The following ATP8A2 variants were observed in gnomAD, a reference collection of about 807,000 sequenced individuals.
The protein encoded by ATP8A2 is phospholipid-transporting ATPase IB.
ATP8A2 carries 100 observed loss-of-function variants against 165.6 expected under a neutral mutation model. The observed-to-expected ratio is 0.60, with a 90% CI of 0.51 to 0.71. ATP8A2 has a LOEUF of 0.71. Ranked by LOEUF, ATP8A2 falls within the 30% of genes least tolerant of loss-of-function variation. The probability of loss-of-function intolerance (pLI) is 0.00; values close to 1 mark genes in which losing one functional copy is unlikely to be tolerated. For synonymous variants in ATP8A2, 543 were observed against 548.8 expected (o/e 0.99, Z 0.15); for missense variants, 1,227 against 1,479.5 (o/e 0.83, Z 2.80).
intron 28 of ATP8A2, among the ~76,000 whole-genome samples, chr13:25,832,192 C>T (rs913610145): frequency 2.0e-4 from 31 of 152,082 alleles, no homozygotes; most frequent in Admixed American, 1.3e-4. Flanking sequence ...CCTGCCTCGG[C>T]CCCCCAGAGT....
At chr13:25,438,854 CG>C (rs2034851926) in intron 1 of ATP8A2, among the ~76,000 whole-genome samples, 2 of 151,876 alleles carry the variant, frequency 1.3e-5, no homozygotes, top group Non-Finnish European at 2.9e-5. Flanking sequence ...CTATGTGACA[CG>C]GTGTGTCATA....
At chr13:25,481,167 C>T (rs371113389) in intron 2 of ATP8A2, among the ~76,000 whole-genome samples, 5 of 147,366 alleles carry the variant, frequency 3.4e-5, no homozygotes, top group Admixed American at 2.0e-4. Context: ...AGAGGGAGAC[C>T]GTGGGGAGAG....
At chr13:25,425,212 A>ATAC (rs2034410895) in intron 1 of ATP8A2, among the ~76,000 whole-genome samples, 1 of 152,150 alleles carries the variant, frequency 6.6e-6, no homozygotes, top group African/African-American at 2.4e-5. Flanking sequence ...TACTATCATT[A>ATAC]GAGCACTTGG....
chr13:25,625,743 A>AT (rs1341472775), intron 24 of ATP8A2, among the ~76,000 whole-genome samples: 10 of 151,728 alleles, frequency 6.6e-5, no homozygotes. Context: ...TGATCTCTGA[A>AT]TAACTAGAAA....
intron 24 of ATP8A2, among the ~76,000 whole-genome samples, chr13:25,609,839 G>A (rs1278541620): frequency 6.7e-6 from 1 of 149,974 alleles, no homozygotes; most frequent in Non-Finnish European, 1.5e-5. Flanking sequence ...GTATCCCATT[G>A]TGGTTTTGAT....
rs774971908 is a variant in ATP8A2, at chr13:26,022,103, C to G, written c.*2118C>G. On this transcript the variant is annotated 3_prime_UTR_variant, in exon 37 of 37. Coordinates refer to ENST00000381655, the MANE Select transcript of ATP8A2 (RefSeq NM_016529.6). Reference sequence around the variant, plus strand: ...TTAAATATCAGAGTACCCAGCAAGACGGAAGGACTGTCATGCAGGAACTCT... The same window carrying G: ...TTAAATATCAGAGTACCCAGCAAGAGGGAAGGACTGTCATGCAGGAACTCT... 1 of 152,122 alleles carries G rather than the reference C, an allele frequency of 6.6e-6. No homozygotes were observed. Among genetic ancestry groups the G allele is most frequent in the African/African-American group, 2.4e-5 (1 of 41,412 alleles). The allele number at this position is 152,122 out of a possible 1,614,324, so 9.4% of individuals were successfully genotyped here.
intron 24 of ATP8A2, among the ~76,000 whole-genome samples, chr13:25,600,519 G>C (rs549049594): frequency 3.3e-5 from 5 of 152,150 alleles, no homozygotes; most frequent in Non-Finnish European, 7.4e-5. Flanking sequence ...TGGAAGGAGC[G>C]GAAGGAGCAG....
intron 24 of ATP8A2, among the ~76,000 whole-genome samples, chr13:25,602,554 C>T (rs1448029329): frequency 6.6e-6 from 1 of 152,150 alleles, no homozygotes; most frequent in Non-Finnish European, 1.5e-5. Context: ...CACCCTGTAT[C>T]TGGAGGAATT....
chr13:25,975,967 G>A lies in ATP8A2; in HGVS notation c.3377+7288G>A, dbSNP rs73474536. On this transcript the variant is annotated intron_variant, in intron 35 of 36. Transcript: ENST00000381655. ...CCGTCCATAAAAAGACTCTCTGGAT[G>A]CCTCAGCCCTGCCTTTTAGGATTGA... 9.7e-3 allele frequency among the ~76,000 whole-genome samples: 1,471 copies of A among 152,306 alleles called. 20 individuals carry two copies. Among genetic ancestry groups the A allele is most frequent in the African/African-American group, 0.034 (1,397 of 41,554 alleles).
chr13:25,564,179 A>C (rs1033926307), intron 16 of ATP8A2, 148 bp downstream of exon 16: 1 of 642,384 alleles, frequency 1.6e-6, no homozygotes. Flanking sequence ...AAGTGATCTT[A>C]GACAAATGCT....
chr13:25,806,284 A>G (rs1950737598), intron 27 of ATP8A2, among the ~76,000 whole-genome samples: 7 of 152,144 alleles, frequency 4.6e-5, no homozygotes, highest in Admixed American at 3.9e-4. Flanking sequence ...TTGGCACTTC[A>G]TATGACATAT....
chr13:25,723,594 G>A (rs2043430274), intron 25 of ATP8A2, among the ~76,000 whole-genome samples: 1 of 152,092 alleles, frequency 6.6e-6, no homozygotes, highest in Non-Finnish European at 1.5e-5. Context: ...GTTTTTAACT[G>A]CATTGAAGCT....
At chr13:25,609,531 T>TATA (rs1555229991) in intron 24 of ATP8A2, among the ~76,000 whole-genome samples, 1 of 142,908 alleles carries the variant, frequency 7.0e-6, no homozygotes, top group Non-Finnish European at 1.5e-5. Context: ...TATATATATA[T>TATA]TTGGGATTCA....
intron 24 of ATP8A2, among the ~76,000 whole-genome samples, chr13:25,661,480 G>A (rs965188076): frequency 6.6e-6 from 1 of 151,986 alleles, no homozygotes; most frequent in African/African-American, 2.4e-5. Flanking sequence ...TTTTTGAGAG[G>A]AACCTAAGAT....
chr13:25,382,146 T>A lies in ATP8A2; in HGVS notation c.76+9858T>A, dbSNP rs570243256. Reference sequence around the variant, plus strand: ...CTTTTTACTGTCTCCATAGTTACAGTTTTGCTCTTTACACAATGTCATGTA... The same window carrying A: ...CTTTTTACTGTCTCCATAGTTACAGATTTGCTCTTTACACAATGTCATGTA... On this transcript the variant is annotated intron_variant, in intron 1 of 36. Coordinates refer to ENST00000381655, the MANE Select transcript of ATP8A2 (RefSeq NM_016529.6). 3.3e-5 allele frequency among the ~76,000 whole-genome samples: 5 copies of A among 152,334 alleles called. No individual in the cohort carries two copies. The East Asian group carries it at 9.6e-4, about 29-fold the overall frequency.
chr13:25,595,660 G>A lies in ATP8A2; in HGVS notation c.2211+5961G>A, dbSNP rs114570699. Among the ~76,000 whole-genome samples the A allele has an allele frequency of 2.1e-3, 318 of 152,238 alleles. 1 individual carries two copies. The highest frequency in any genetic ancestry group is 7.2e-3 in the African/African-American group (300 of 41,542). ...AAACAGAATCTGCAGATTCCCTCTGGAATGTTTTTCTGAGAAAAGGTTATA... is the reference window on the plus strand; with the variant it reads ...AAACAGAATCTGCAGATTCCCTCTGAAATGTTTTTCTGAGAAAAGGTTATA... On this transcript the variant is annotated intron_variant, in intron 24 of 36. Transcript: ENST00000381655.
intron 1 of ATP8A2, among the ~76,000 whole-genome samples, chr13:25,434,960 G>A (rs943680061): frequency 6.6e-6 from 1 of 152,052 alleles, no homozygotes; most frequent in Non-Finnish European, 1.5e-5. Flanking sequence ...TGGCGTTAAT[G>A]AGAAAGAAAC....
At chr13:25,510,976 T>G (rs894175752) in intron 2 of ATP8A2, among the ~76,000 whole-genome samples, 5 of 152,212 alleles carry the variant, frequency 3.3e-5, no homozygotes, top group Non-Finnish European at 7.3e-5. Context: ...CCAGTCCTGT[T>G]CCACCAAAGG....
chr13:25,842,443 G>A lies in ATP8A2; in HGVS notation c.2956+2819G>A, dbSNP rs80119472. Among the ~76,000 whole-genome samples the A allele has an allele frequency of 9.6e-3, 1,459 of 152,294 alleles. 23 individuals carry two copies. Among genetic ancestry groups the A allele is most frequent in the African/African-American group, 0.031 (1,283 of 41,554 alleles). Reference sequence around the variant, plus strand: ...TAATCCCAAAACTTTGGGAGGCAGAGGTGGGTGGATCACCTGACATCAGTT... The same window carrying A: ...TAATCCCAAAACTTTGGGAGGCAGAAGTGGGTGGATCACCTGACATCAGTT... On this transcript the variant is annotated intron_variant, in intron 30 of 36. Transcript: ENST00000381655.
Sources: allele counts gnomAD v4.1 joint callset (sites outside exome capture counted in the v4.1 genomes callset), GRCh38; gene constraint gnomAD v4.1.1; transcripts MANE v1.5; gene names NCBI Gene and HGNC (gene_info 2026-07-23, HGNC 2026-07-21).